The following ADRA1B variants were observed in gnomAD, a reference collection of about 807,000 sequenced individuals.
ADRA1B encodes the protein adrenoceptor alpha 1B.
ADRA1B carries 17 observed loss-of-function variants against 17.9 expected under a neutral mutation model. The ratio of observed to expected loss-of-function variants is 0.95; its 90% CI spans 0.65 to 1.42. ADRA1B has a LOEUF of 1.42. ADRA1B is among the 40% of genes most tolerant of loss of function. ADRA1B has a pLI of 0.00. For missense variants in ADRA1B, 681 were observed against 722.1 expected (o/e 0.94, Z 0.65); for synonymous variants, 366 against 327.6 (o/e 1.12, Z -1.27).
intron 1 of ADRA1B, among the ~76,000 whole-genome samples, chr5:159,938,820 A>G (rs938684577): frequency 1.3e-5 from 2 of 152,216 alleles, no homozygotes; most frequent in Non-Finnish European, 2.9e-5. Context: ...CTGAAAACCA[A>G]AGAAGACTCT....
intron 1 of ADRA1B, among the ~76,000 whole-genome samples, chr5:159,971,211 T>C (rs954999609): frequency 4.6e-5 from 7 of 152,248 alleles, no homozygotes; most frequent in African/African-American, 1.7e-4. Flanking sequence ...ATTGCCCATG[T>C]TTCTACTGGG....
At position 159,956,069 on chromosome 5, in the gene ADRA1B, T is replaced by G. The variant is rs142972027; in HGVS notation, c.950-15810T>G. Among the ~76,000 whole-genome samples, 435 of 151,972 alleles carry G rather than the reference T, an allele frequency of 2.9e-3. 3 individuals carry two copies. The highest frequency in any genetic ancestry group is 0.01 in the African/African-American group (423 of 41,454). On this transcript the variant is annotated intron_variant, in intron 1 of 1. Coordinates refer to ENST00000306675, the MANE Select transcript of ADRA1B (RefSeq NM_000679.4). ...ACCAGCCTGGGCAACTTAGGGGAGA[T>G]CCCATCTCTACAAAAAAGTTTTCAA...
At chr5:159,988,401 T>C in the ADRA1B span, among the ~76,000 whole-genome samples, 1 of 152,232 alleles carries the variant, frequency 6.6e-6, no homozygotes, top group Non-Finnish European at 1.5e-5. Context: ...TGTTGCTTTA[T>C]GCCACTATTT....
rs183742535 is a variant in ADRA1B at position 159,882,922 on chromosome 5, G to A, written c.-256+17716G>A. Among the ~76,000 whole-genome samples the A allele has an allele frequency of 1.6e-3, 246 of 152,286 alleles. 2 individuals carry two copies. Among genetic ancestry groups the A allele is most frequent in the African/African-American group, 5.7e-3 (238 of 41,562 alleles). On this transcript the variant is annotated intron_variant, in intron 1 of 2. Coordinates refer to the ADRA1B transcript ENST00000641205. Reference sequence around the variant, plus strand: ...CTCTCCAAACTGACAATATCAAGACGCCATGGCTGGAATAAATGAAGGCCA... The same window carrying A: ...CTCTCCAAACTGACAATATCAAGACACCATGGCTGGAATAAATGAAGGCCA...
intron 1 of ADRA1B, chr5:159,951,347 G>A: frequency 8.5e-7 from 1 of 1,176,202 alleles, no homozygotes; most frequent in Non-Finnish European, 1.3e-6. Flanking sequence ...TGCCATGGGT[G>A]GAATCATACT....
the ADRA1B span, among the ~76,000 whole-genome samples, chr5:159,982,371 T>G: frequency 1.3e-5 from 2 of 152,156 alleles, no homozygotes; most frequent in African/African-American, 2.4e-5. Flanking sequence ...GGAAGAGATG[T>G]GCTTTCTTGT....
intron 1 of ADRA1B, among the ~76,000 whole-genome samples, chr5:159,933,252 A>G (rs1262882617): frequency 2.0e-5 from 3 of 152,252 alleles, no homozygotes; most frequent in African/African-American, 7.2e-5. Context: ...TAGCTGTGAT[A>G]AATACTCTGT....
chr5:159,963,320 AAGTATG>A (rs1755714752), intron 1 of ADRA1B, among the ~76,000 whole-genome samples: 2 of 150,092 alleles, frequency 1.3e-5, no homozygotes, highest in African/African-American at 2.5e-5. Context: ...CCACACACAT[AAGTATG>A]TATATTTTGT....
chr5:159,914,195 A>C (rs999686869), upstream of ADRA1B, among the ~76,000 whole-genome samples: 1 of 152,182 alleles, frequency 6.6e-6, no homozygotes, highest in African/African-American at 2.4e-5. Flanking sequence ...CTGCAGACAG[A>C]CTAGTCTGAG....
At chr5:159,970,827 C>CAG (rs1416049021) in intron 1 of ADRA1B, among the ~76,000 whole-genome samples, 3 of 152,186 alleles carry the variant, frequency 2.0e-5, no homozygotes, top group Non-Finnish European at 4.4e-5. Flanking sequence ...TTTGGAGAGA[C>CAG]AGGGACTTGC....
At chr5:159,962,343 G>C (rs2113282640) in intron 1 of ADRA1B, among the ~76,000 whole-genome samples, 1 of 152,160 alleles carries the variant, frequency 6.6e-6, no homozygotes, top group Admixed American at 6.5e-5. Context: ...TTTAAAAACT[G>C]TCTTTCTCAG....
rs1755892440 is a variant in ADRA1B at position 159,972,369 on chromosome 5, C to T, written c.1440C>T (p.Thr480=). 5 of 1,512,230 alleles carry T rather than the reference C, an allele frequency of 3.3e-6. No individual in the cohort carries two copies. The highest frequency in any genetic ancestry group is 1.4e-5 in the African/African-American group (1 of 70,414). 93.7% of individuals were successfully genotyped at this position (1,512,230 alleles called of 1,614,324 possible). Residue 480 remains threonine, a synonymous_variant, in exon 2 of 2, where the codon ACC becomes ACT. Coordinates refer to ENST00000306675, the MANE Select transcript of ADRA1B (RefSeq NM_000679.4). ...SGPLFTFKLL[T]EPESPGTDGG... ...CGCTCTTCACCTTCAAGCTCCTGAC[C>T]GAGCCCGAGAGCCCCGGGACCGACG...
At chr5:159,955,830 C>T (rs2113271735) in intron 1 of ADRA1B, among the ~76,000 whole-genome samples, 1 of 152,326 alleles carries the variant, frequency 6.6e-6, no homozygotes, top group South Asian at 2.1e-4. Context: ...GGCCATGACC[C>T]AGCTTGAAGG....
intron 1 of ADRA1B, among the ~76,000 whole-genome samples, chr5:159,872,991 G>T (rs1368711345): frequency 8.0e-6 from 1 of 125,564 alleles, no homozygotes; most frequent in Non-Finnish European, 1.6e-5. Context: ...TGTTCTCATT[G>T]TTCAACTCCC....
intron 1 of ADRA1B, among the ~76,000 whole-genome samples, chr5:159,873,895 T>G (rs181489085): frequency 5.6e-4 from 86 of 152,304 alleles, no homozygotes; most frequent in Admixed American, 1.4e-3. Context: ...CCAGAATGAA[T>G]CACCAAAATA....
Position 159,884,112 on chromosome 5 carries a change from GA to G in ADRA1B, c.-256+18913del, listed in dbSNP as rs574637788. On this transcript the variant is annotated intron_variant, in intron 1 of 2. Transcript: ENST00000641205. ...CCTAAAGCCAAAAATAAATTAAAAA[GA>G]AAAAAATCAAATCAATTATGGATGT... is the stretch of plus-strand genomic sequence containing the variant. 1.2e-4 allele frequency among the ~76,000 whole-genome samples: 18 copies of G among 152,192 alleles called. No homozygotes were observed. The South Asian group carries it at 2.5e-3, about 21-fold the overall frequency.
intron 1 of ADRA1B, among the ~76,000 whole-genome samples, chr5:159,941,250 T>A (rs1755117821): frequency 6.6e-6 from 1 of 152,256 alleles, no homozygotes; most frequent in South Asian, 2.1e-4. Context: ...GGCTAGTGAC[T>A]GCCATATTGG....
chr5:159,970,641 G>A lies in ADRA1B; in HGVS notation c.950-1238G>A, dbSNP rs562628990. On this transcript the variant is annotated intron_variant, in intron 1 of 1. Transcript: ENST00000306675. ...CAAGGTGTATGTATACTTAGACCAA[G>A]TGCTAGCAGAGTCATCTCCAGGATG... Among the ~76,000 whole-genome samples the A allele has an allele frequency of 4.6e-5, 7 of 152,282 alleles. No homozygotes were observed. The South Asian group carries it at 1.5e-3, about 32-fold the overall frequency.
chr5:159,886,995 T>C (rs557994863), intron 1 of ADRA1B, among the ~76,000 whole-genome samples: 28 of 152,334 alleles, frequency 1.8e-4, no homozygotes, highest in African/African-American at 6.7e-4. Context: ...ATGATGATGA[T>C]GATCATGATC....
Sources: gnomAD v4.1 joint callset for allele counts (sites outside exome capture counted in the v4.1 genomes callset) on GRCh38, gnomAD v4.1.1 for gene constraint, MANE v1.5 for transcripts, NCBI Gene and HGNC (gene_info 2026-07-23, HGNC 2026-07-21) for gene names.